The following MIX23 variants were observed in gnomAD, a reference collection of about 807,000 sequenced individuals.
The protein encoded by MIX23 is mitochondrial matrix import factor 23.
Under a neutral mutation model 21.6 loss-of-function variants are expected in MIX23, and 13 were observed. The observed-to-expected ratio is 0.60, with a 90% confidence interval of 0.39 to 0.96. MIX23 has a LOEUF of 0.96. MIX23 is among the 40% of genes least tolerant of loss of function. The pLI, the probability that MIX23 is intolerant of heterozygous loss-of-function variation, is 0.00. For missense variants in MIX23, 144 were observed against 171.2 expected, an observed-to-expected ratio of 0.84 and a Z score of 0.89; for synonymous variants, 59 against 58.0, an observed-to-expected ratio of 1.02 and a Z score of -0.08.
intron 1 of MIX23, among the ~76,000 whole-genome samples, chr3:122,377,007 C>T (rs1232284382): frequency 6.6e-6 from 1 of 152,064 alleles, no homozygotes. Flanking sequence ...TGGCAAAACC[C>T]CGTCTTTACC....
At chr3:122,368,400 T>C in intron 2 of MIX23, 78 bp from the exon 3 acceptor site, 2 of 1,364,660 alleles carry the variant, frequency 1.5e-6, no homozygotes, top group East Asian at 2.5e-5. Flanking sequence ...AAAAAAATCC[T>C]TGAGACTATA....
intron 1 of MIX23, among the ~76,000 whole-genome samples, chr3:122,380,437 G>A (rs141646641): frequency 6.6e-6 from 1 of 152,166 alleles, no homozygotes; most frequent in African/African-American, 2.4e-5. Context: ...AAGCAGCCCT[G>A]TAAGCATAAA....
intron 2 of MIX23, among the ~76,000 whole-genome samples, chr3:122,370,422 A>C (rs1002681764): frequency 4.6e-5 from 6 of 131,572 alleles, no homozygotes; most frequent in Non-Finnish European, 6.2e-5. Flanking sequence ...CTGCCACTGT[A>C]CTCCAGCCTG....
At chr3:122,363,426 T>C (rs2075374377) in intron 3 of MIX23, among the ~76,000 whole-genome samples, 1 of 151,780 alleles carries the variant, frequency 6.6e-6, no homozygotes, top group African/African-American at 2.4e-5. Flanking sequence ...TTAGTGAAGG[T>C]ACGTGAAAAG....
chr3:122,382,619 T>C (rs1011156915), intron 1 of MIX23, among the ~76,000 whole-genome samples: 4 of 152,214 alleles, frequency 2.6e-5, no homozygotes, highest in Admixed American at 2.0e-4. Context: ...CCTAGGTCTC[T>C]GATATTTGAA....
At chr3:122,378,546 C>T (rs1189805590) in intron 1 of MIX23, among the ~76,000 whole-genome samples, 1 of 152,198 alleles carries the variant, frequency 6.6e-6, no homozygotes, top group Non-Finnish European at 1.5e-5. Context: ...CACACTTAGG[C>T]TATATAGTAT....
intron 1 of MIX23, among the ~76,000 whole-genome samples, chr3:122,374,155 T>C (rs1169666147): frequency 6.6e-6 from 1 of 151,468 alleles, no homozygotes; most frequent in Non-Finnish European, 1.5e-5. Flanking sequence ...TTTCAAAACC[T>C]TCCTTTTCGC....
chr3:122,381,600 C>T (rs12152463), intron 1 of MIX23, among the ~76,000 whole-genome samples: 52,350 of 151,652 alleles, frequency 0.35, 10,163 homozygotes, highest in East Asian at 0.56. Flanking sequence ...CGGTGGTAGG[C>T]GCCTATAATC....
chr3:122,381,499 G>T (rs949687397), intron 1 of MIX23, among the ~76,000 whole-genome samples: 1 of 152,208 alleles, frequency 6.6e-6, no homozygotes, highest in Non-Finnish European at 1.5e-5. Flanking sequence ...GCTGAAAGGG[G>T]TGCGGATCAC....
At chr3:122,360,056 T>G (rs1228153366) in intron 4 of MIX23, 137 bp from the exon 5 acceptor site, 1 of 859,094 alleles carries the variant, frequency 1.2e-6, no homozygotes, top group Non-Finnish European at 1.8e-6. Flanking sequence ...AACAGAAGAG[T>G]TTCCTCAGCA....
At chr3:122,368,107 A>G in intron 3 of MIX23, 69 bp downstream of exon 3, 1 of 1,487,072 alleles carries the variant, frequency 6.7e-7, no homozygotes, top group Non-Finnish European at 9.2e-7. Flanking sequence ...TTTTCATATT[A>G]AAAATCTTAC....
intron 1 of MIX23, 102 bp downstream of exon 1, chr3:122,383,072 C>T (rs1480052588): frequency 2.0e-6 from 3 of 1,476,790 alleles, no homozygotes; most frequent in Non-Finnish European, 2.8e-6. Flanking sequence ...CTTTGAATTG[C>T]CCGCTTTTTC....
intron 2 of MIX23, among the ~76,000 whole-genome samples, chr3:122,371,144 G>A (rs1426765920): frequency 6.6e-6 from 1 of 152,194 alleles, no homozygotes; most frequent in African/African-American, 2.4e-5. Context: ...GAGAAATAAA[G>A]GGGGGCAATG....
chr3:122,376,402 G>A (rs956189913), intron 1 of MIX23, among the ~76,000 whole-genome samples: 1 of 151,750 alleles, frequency 6.6e-6, no homozygotes, highest in African/African-American at 2.4e-5. Context: ...TGGATCACCT[G>A]AGGTCAGGAG....
intron 4 of MIX23, among the ~76,000 whole-genome samples, chr3:122,360,932 C>G (rs2075353783): frequency 6.6e-6 from 1 of 152,134 alleles, no homozygotes; most frequent in African/African-American, 2.4e-5. Flanking sequence ...AAACCTCCAC[C>G]TCCTGGGTTC....
intron 3 of MIX23, chr3:122,365,220 T>C (rs2075387897): frequency 6.6e-6 from 1 of 152,222 alleles, no homozygotes; most frequent in Non-Finnish European, 1.5e-5. Flanking sequence ...TTGACTGGCA[T>C]CTGTCTATAA....
chr3:122,376,900 A>G (rs947915187), intron 1 of MIX23, among the ~76,000 whole-genome samples: 2 of 152,084 alleles, frequency 1.3e-5, no homozygotes, highest in African/African-American at 4.8e-5. Context: ...TTAGAAGGCT[A>G]TCAAGCAGGT....
chr3:122,368,565 T>A (rs183029138), intron 2 of MIX23, among the ~76,000 whole-genome samples: 75 of 152,298 alleles, frequency 4.9e-4, no homozygotes, highest in African/African-American at 1.7e-3. Flanking sequence ...AATATGCTCC[T>A]GGTATTGACT....
intron 2 of MIX23, among the ~76,000 whole-genome samples, chr3:122,370,334 G>A (rs1052956987): frequency 6.6e-6 from 1 of 151,850 alleles, no homozygotes; most frequent in African/African-American, 2.4e-5. Context: ...GCGTGTGCCT[G>A]TAGTCCCAGC....
Sources: gnomAD v4.1 joint callset for allele counts (sites outside exome capture counted in the v4.1 genomes callset) on GRCh38, gnomAD v4.1.1 for gene constraint, MANE v1.5 for transcripts, NCBI Gene and HGNC (gene_info 2026-07-23, HGNC 2026-07-21) for gene names.